Variants in UBE2J1 observed in about 807,000 individuals in gnomAD.
The protein encoded by UBE2J1 is ubiquitin conjugating enzyme E2 J1.
In UBE2J1, 17 loss-of-function variants were observed where a neutral mutation model predicts 42.1. That is an observed-to-expected ratio of 0.40 (90% confidence interval 0.28 to 0.61). UBE2J1 has a LOEUF of 0.61. UBE2J1 is among the 20% of genes least tolerant of loss of function. The pLI, the probability that UBE2J1 is intolerant of heterozygous loss-of-function variation, is 0.38. For missense variants in UBE2J1, 291 were observed against 389.4 expected (o/e 0.75, Z 2.13); for synonymous variants, 127 against 137.2 (o/e 0.93, Z 0.52).
intron 7 of UBE2J1, among the ~76,000 whole-genome samples, chr6:89,331,022 G>A (rs1767999995): frequency 6.6e-6 from 1 of 152,088 alleles, no homozygotes; most frequent in Non-Finnish European, 1.5e-5. Flanking sequence ...GCTTTTTGAT[G>A]CTAAAATATC....
At chr6:89,338,842 T>G (rs1050803726) in intron 3 of UBE2J1, among the ~76,000 whole-genome samples, 22 of 152,014 alleles carry the variant, frequency 1.4e-4, no homozygotes, top group Non-Finnish European at 2.8e-4. Context: ...ATGTTTTGTA[T>G]TTTTAGTAGA....
chr6:89,334,167 C>G (rs1289491118), intron 6 of UBE2J1, among the ~76,000 whole-genome samples: 1 of 151,596 alleles, frequency 6.6e-6, no homozygotes, highest in African/African-American at 2.4e-5. Flanking sequence ...CCATGCCGAG[C>G]TAATTTTTTG....
At chr6:89,351,320 C>A (rs533149388) in intron 1 of UBE2J1, among the ~76,000 whole-genome samples, 9 of 151,876 alleles carry the variant, frequency 5.9e-5, no homozygotes, top group Non-Finnish European at 1.3e-4. Flanking sequence ...GGGCTCAAGC[C>A]TCCCAAAGTG....
Position 89,335,323 on chromosome 6 carries a change from C to A in UBE2J1, c.537G>T (p.Leu179=). ...GTACCTTAAAGCTTATTTGCCTAGC[C>A]AGTTCTTTGGCTTCTTGGTCAGCTT... ...SSQADQEAKE[L]ARQISFKAEV... Residue 179 remains leucine, a synonymous_variant, in exon 6 of 8, where the codon CTG becomes CTT. Coordinates refer to ENST00000435041, the MANE Select transcript of UBE2J1 (RefSeq NM_016021.3). 6 of 1,604,030 alleles carry A rather than the reference C, an allele frequency of 3.7e-6. No individual in the cohort carries two copies.
intron 1 of UBE2J1, among the ~76,000 whole-genome samples, chr6:89,348,832 T>C (rs1305056603): frequency 1.3e-5 from 2 of 152,096 alleles, no homozygotes; most frequent in African/African-American, 4.8e-5. Flanking sequence ...ACTATAGGAA[T>C]TTCAGATGGA....
At chr6:89,341,891 T>C (rs1299363519) in intron 3 of UBE2J1, among the ~76,000 whole-genome samples, 2 of 152,154 alleles carry the variant, frequency 1.3e-5, no homozygotes, top group Non-Finnish European at 2.9e-5. Context: ...ATACTTTTCA[T>C]CCCACATAAA....
chr6:89,338,230 C>T lies in UBE2J1; in HGVS notation c.403G>A (p.Glu135Lys), dbSNP rs1320991945. The T allele has an allele frequency of 6.2e-7, 1 of 1,613,050 alleles. No homozygotes were observed. The highest frequency in any genetic ancestry group is 8.5e-7 in the Non-Finnish European group (1 of 1,179,702). The change falls in exon 5 of 8, where the codon GAG becomes AAG. Residue 135 changes from glutamate to lysine, a missense_variant. Around this residue, in one of 2 missense-constraint regions of UBE2J1, gnomAD observed 115 missense variants for 193.1 expected, o/e 0.60. Transcript: ENST00000435041. ...GAIGSLDYTPEERRALAKKSQ... is the reference protein window; with the variant it reads ...GAIGSLDYTPKERRALAKKSQ... ...TTTTTGGCAAGTGCTCTTCTTTCCT[C>T]AGGAGTGTAATCTAGAGAACCTATG...
At chr6:89,352,431 A>T (rs1768503898) in intron 1 of UBE2J1, 108 bp downstream of exon 1, 2 of 1,295,620 alleles carry the variant, frequency 1.5e-6, no homozygotes, top group Non-Finnish European at 2.1e-6. Flanking sequence ...GCGCGAAACC[A>T]GGAGCTGAGC....
intron 3 of UBE2J1, among the ~76,000 whole-genome samples, chr6:89,339,235 A>G (rs1264512568): frequency 1.3e-5 from 2 of 149,652 alleles, no homozygotes; most frequent in African/African-American, 2.5e-5. Context: ...GGCCAGCTTG[A>G]GCAACTTAGT....
At chr6:89,345,481 A>T (rs568984616) in intron 1 of UBE2J1, among the ~76,000 whole-genome samples, 4 of 152,288 alleles carry the variant, frequency 2.6e-5, no homozygotes, top group Non-Finnish European at 5.9e-5. Context: ...GGACGCCTGT[A>T]ATCCCAGCTA....
At chr6:89,332,714 A>G (rs1028750420) in intron 7 of UBE2J1, among the ~76,000 whole-genome samples, 3 of 152,216 alleles carry the variant, frequency 2.0e-5, no homozygotes, top group Admixed American at 2.0e-4. Flanking sequence ...CGACTTTATT[A>G]AGTCAGTACC....
In UBE2J1 at chr6:89,329,772, A is replaced by G; in HGVS notation, c.864T>C (p.Ala288=). Residue 288 remains alanine (A), a synonymous_variant, in exon 8 of 8, where the codon GCT becomes GCC. Transcript: ENST00000435041. ...CCAAAGTCAGGATGACAATCAGTAC[A>G]GCTGACCCACCATGATCAGTGTGGT... ...RDNHTDHGGS[A]VLIVILTLAL... The G allele has an allele frequency of 6.2e-7, 1 of 1,614,132 alleles. No individual in the cohort carries two copies. The highest frequency in any genetic ancestry group is 8.5e-7 in the Non-Finnish European group (1 of 1,179,990).
chr6:89,328,846 A>T lies in UBE2J1; in HGVS notation c.*833T>A, dbSNP rs1262906554. 6.6e-6 allele frequency: 1 copy of T among 152,228 alleles called. No homozygotes were observed. Among genetic ancestry groups the T allele is most frequent in the South Asian group, 2.1e-4 (1 of 4,832 alleles). The allele number at this position is 152,228 out of a possible 1,614,324, so 9.4% of individuals were successfully genotyped here. A position where few individuals can be genotyped will look rare whatever the true frequency, so the allele number is the denominator to read the frequency against. On this transcript the variant is annotated 3_prime_UTR_variant, in exon 8 of 8. Transcript: ENST00000435041. Reference sequence around the variant, plus strand: ...GATTATAAAGCTAGGCATATAATACATCCCAAAAGACATACATTTCAAAGC... The same window carrying T: ...GATTATAAAGCTAGGCATATAATACTTCCCAAAAGACATACATTTCAAAGC...
At chr6:89,332,081 C>T (rs1768020029) in intron 7 of UBE2J1, among the ~76,000 whole-genome samples, 1 of 152,160 alleles carries the variant, frequency 6.6e-6, no homozygotes, top group Non-Finnish European at 1.5e-5. Flanking sequence ...ATAGGAGAGA[C>T]TCACTCAAGA....
At chr6:89,342,288 G>GT in intron 3 of UBE2J1, 36 bp downstream of exon 3, 1 of 1,608,686 alleles carries the variant, frequency 6.2e-7, no homozygotes, top group Non-Finnish European at 8.5e-7. Flanking sequence ...CAGGAAGAGT[G>GT]AAGCCACAAG....
At position 89,337,738 on chromosome 6, in the gene UBE2J1, C is replaced by T. The variant is rs971048184; in HGVS notation, c.428+467G>A. Among the ~76,000 whole-genome samples, 9 of 152,124 alleles carry T rather than the reference C, an allele frequency of 5.9e-5. No homozygotes were observed. The East Asian group carries it at 1.4e-3, about 23-fold the overall frequency. On this transcript the variant is annotated intron_variant, in intron 5 of 7. Transcript: ENST00000435041. ...TGTGATTGCCACTGGGCAATCACAA[C>T]TTGATAAAATCTCTTTTGCTTTATT... is the stretch of plus-strand genomic sequence containing the variant.
At chr6:89,338,790 C>G (rs1474832298) in intron 3 of UBE2J1, among the ~76,000 whole-genome samples, 1 of 150,684 alleles carries the variant, frequency 6.6e-6, no homozygotes, top group African/African-American at 2.4e-5. Context: ...CTCAGCCTCC[C>G]AAGTAGCTGG....
chr6:89,334,204 C>T (rs1438492464), intron 6 of UBE2J1, among the ~76,000 whole-genome samples: 1 of 151,930 alleles, frequency 6.6e-6, no homozygotes, highest in Middle Eastern at 3.4e-3. Context: ...AGGGTTTCAC[C>T]GTGTTAGCCT....
At chr6:89,346,778 C>T (rs16881720) in intron 1 of UBE2J1, among the ~76,000 whole-genome samples, 3,205 of 152,220 alleles carry the variant, frequency 0.021, 92 homozygotes, top group African/African-American at 0.067. Context: ...GCCCTAGAGA[C>T]CAGGTTGAGT....
Sources: gnomAD v4.1 joint callset for allele counts (sites outside exome capture counted in the v4.1 genomes callset) on GRCh38, gnomAD v4.1.1 for gene constraint, gnomAD v4.1.1 regional missense constraint, MANE v1.5 for transcripts, NCBI Gene and HGNC (gene_info 2026-07-23, HGNC 2026-07-21) for gene names.